Variants in SPHKAP observed in about 807,000 individuals in gnomAD.
The protein encoded by SPHKAP is SPHK1 interactor, AKAP domain containing.
Under a neutral mutation model 137.5 loss-of-function variants are expected in SPHKAP, and 67 were observed. The ratio of observed to expected loss-of-function variants is 0.49; its 90% CI spans 0.40 to 0.60. The LOEUF (loss-of-function observed/expected upper bound fraction) is 0.60, where lower values mean the gene tolerates loss of function less well. Among genes scored for constraint, SPHKAP ranks in the 20% least tolerant of loss-of-function variants. SPHKAP has a pLI of 0.00. For missense variants in SPHKAP, 2,097 were observed against 2,069.3 expected, an observed-to-expected ratio of 1.01 and a Z score of -0.26; for synonymous variants, 813 against 785.3, an observed-to-expected ratio of 1.04 and a Z score of -0.59.
chr2:228,092,616 CAT>C lies in SPHKAP; in HGVS notation c.246+16214_246+16215del, dbSNP rs201188519. On this transcript the variant is annotated intron_variant, in intron 3 of 11. Transcript: ENST00000392056. ...TATATGTATATACATATATATGTGC[CAT>C]ATATATGTGTATATTATATGTGTAT... 1.3e-3 allele frequency among the ~76,000 whole-genome samples: 191 copies of C among 142,420 alleles called. 4 individuals carry two copies. Among genetic ancestry groups the C allele is most frequent in the East Asian group, 3.9e-3 (19 of 4,828 alleles). The allele number at this position is 142,420 out of a possible 152,430, so 93.4% of individuals were successfully genotyped here. A position where few individuals can be genotyped will look rare whatever the true frequency, so the allele number is the denominator to read the frequency against.
intron 3 of SPHKAP, among the ~76,000 whole-genome samples, chr2:228,070,488 C>T (rs968442191): frequency 3.3e-5 from 5 of 152,000 alleles, no homozygotes; most frequent in African/African-American, 2.4e-5. Context: ...AATTCTTCTT[C>T]CACAGTCTGT....
chr2:228,007,630 A>G (rs1003246717), intron 7 of SPHKAP, among the ~76,000 whole-genome samples: 2 of 152,154 alleles, frequency 1.3e-5, no homozygotes, highest in Non-Finnish European at 2.9e-5. Context: ...TCATGTTGTC[A>G]CAAATGACAG....
chr2:228,089,230 G>A (rs1056733252), intron 3 of SPHKAP, among the ~76,000 whole-genome samples: 2 of 152,212 alleles, frequency 1.3e-5, no homozygotes, highest in African/African-American at 4.8e-5. Context: ...GGTCACACTT[G>A]TTATGCCCTA....
chr2:228,156,545 C>A (rs1279275738), intron 1 of SPHKAP, among the ~76,000 whole-genome samples: 1 of 152,182 alleles, frequency 6.6e-6, no homozygotes, highest in East Asian at 1.9e-4. Flanking sequence ...GAACATAATC[C>A]TTTCTAAGCA....
chr2:227,997,833 T>C (rs572426470), intron 7 of SPHKAP, among the ~76,000 whole-genome samples: 5 of 152,350 alleles, frequency 3.3e-5, no homozygotes, highest in African/African-American at 1.2e-4. Context: ...TTGTTTGTAT[T>C]TTAAGAACAG....
intron 7 of SPHKAP, among the ~76,000 whole-genome samples, chr2:228,000,369 A>G (rs575887050): frequency 1.2e-4 from 19 of 152,320 alleles, no homozygotes; most frequent in Admixed American, 2.6e-4. Flanking sequence ...CTGTAATCCC[A>G]GCACTTTGGG....
At chr2:228,004,080 T>C (rs552007622) in intron 7 of SPHKAP, among the ~76,000 whole-genome samples, 1 of 152,356 alleles carries the variant, frequency 6.6e-6, no homozygotes, top group East Asian at 1.9e-4. Context: ...CCTCATAAAA[T>C]GAGTTAGGGA....
chr2:228,060,334 A>C (rs887199161), intron 3 of SPHKAP, among the ~76,000 whole-genome samples: 1 of 152,208 alleles, frequency 6.6e-6, no homozygotes, highest in Non-Finnish European at 1.5e-5. Flanking sequence ...TGGTTTGCTA[A>C]AATTATGGGG....
intron 3 of SPHKAP, among the ~76,000 whole-genome samples, chr2:228,073,143 GA>G (rs1376489766): frequency 6.6e-6 from 1 of 152,244 alleles, no homozygotes; most frequent in Non-Finnish European, 1.5e-5. Context: ...AATTAGCTGA[GA>G]GGGGCAGAAT....
intron 3 of SPHKAP, among the ~76,000 whole-genome samples, chr2:228,043,072 A>G (rs6730930): frequency 0.38 from 58,057 of 152,002 alleles, 11,547 homozygotes; most frequent in South Asian, 0.51. Flanking sequence ...AAAAATATCA[A>G]CCATTTCCTA....
At chr2:228,167,968 T>A (rs1037365323) in intron 1 of SPHKAP, among the ~76,000 whole-genome samples, 2 of 152,162 alleles carry the variant, frequency 1.3e-5, no homozygotes, top group Admixed American at 1.3e-4. Flanking sequence ...ATACCTTTAG[T>A]ATACACTGAT....
intron 3 of SPHKAP, among the ~76,000 whole-genome samples, chr2:228,076,170 T>A (rs1272270613): frequency 1.3e-5 from 2 of 152,068 alleles, no homozygotes; most frequent in African/African-American, 4.8e-5. Flanking sequence ...TTATGAGGCC[T>A]CCCCCACCAC....
At chr2:228,051,884 G>T (rs1050544260) in intron 3 of SPHKAP, among the ~76,000 whole-genome samples, 9 of 152,016 alleles carry the variant, frequency 5.9e-5, no homozygotes, top group South Asian at 2.1e-4. Context: ...GGCCTCTTTT[G>T]TACTGGCACA....
At chr2:228,096,630 CTGTGTGTGTGTGTGTGTG>C (rs59745287) in intron 3 of SPHKAP, among the ~76,000 whole-genome samples, 2 of 148,786 alleles carry the variant, frequency 1.3e-5, no homozygotes, top group East Asian at 2.0e-4. Flanking sequence ...CAGGGGTCAA[CTGTGTGTGTGTGTGTGTG>C]TGTGTGTGTG....
chr2:228,006,556 C>T (rs928979404), intron 7 of SPHKAP, among the ~76,000 whole-genome samples: 5 of 152,180 alleles, frequency 3.3e-5, no homozygotes, highest in East Asian at 1.9e-4. Context: ...AGTCATTCTC[C>T]GTCCAGCTTT....
intron 9 of SPHKAP, 102 bp downstream of exon 9, chr2:227,993,432 T>A: frequency 9.6e-7 from 1 of 1,037,960 alleles, no homozygotes; most frequent in Non-Finnish European, 1.5e-6. Flanking sequence ...AGTACAGACA[T>A]GATGAGGTCA....
At chr2:228,086,488 A>G (rs1418731258) in intron 3 of SPHKAP, among the ~76,000 whole-genome samples, 1 of 152,122 alleles carries the variant, frequency 6.6e-6, no homozygotes, top group Non-Finnish European at 1.5e-5. Flanking sequence ...TGAAGATACT[A>G]AATTCTCAAT....
rs77786958 is a variant in SPHKAP at position 228,044,404 on chromosome 2, G to A, written c.247-16861C>T. Among the ~76,000 whole-genome samples the A allele has an allele frequency of 7.6e-4, 116 of 152,178 alleles. 1 individual carries two copies. Among genetic ancestry groups the A allele is most frequent in the Middle Eastern group, 3.4e-3 (1 of 294 alleles). The stretch of plus-strand genomic sequence containing the variant: ...CTATATTAATAAAAGACATCAAGTG[G>A]TTCTTAGTTTCACGGGTACTCTAAG... On this transcript the variant is annotated intron_variant, in intron 3 of 11. Transcript: ENST00000392056.
chr2:228,041,666 GA>G (rs1695854758), intron 3 of SPHKAP, among the ~76,000 whole-genome samples: 3 of 132,148 alleles, frequency 2.3e-5, no homozygotes, highest in Admixed American at 7.6e-5. Flanking sequence ...AAAAAAAAAA[GA>G]AAAAAGAAAA....
Sources: allele counts gnomAD v4.1 joint callset (sites outside exome capture counted in the v4.1 genomes callset), GRCh38; gene constraint gnomAD v4.1.1; transcripts MANE v1.5; gene names NCBI Gene and HGNC (gene_info 2026-07-23, HGNC 2026-07-21).